The following NEK1 variants were observed in gnomAD, a reference collection of about 807,000 sequenced individuals.
NEK1 encodes NIMA related kinase 1, also known as serine/threonine-protein kinase Nek1.
NEK1 carries 137 observed loss-of-function variants against 182.1 expected under a neutral mutation model. The observed-to-expected ratio is 0.75, with a 90% confidence interval of 0.65 to 0.87. The LOEUF is 0.87. Among genes scored for constraint, NEK1 ranks in the 40% least tolerant of loss-of-function variants. The pLI, the probability that NEK1 is intolerant of heterozygous loss-of-function variation, is 0.00. For synonymous variants in NEK1, 513 were observed against 492.2 expected (o/e 1.04, Z -0.56); for missense variants, 1,391 against 1,494.4 (o/e 0.93, Z 1.14).
intron 23 of NEK1, among the ~76,000 whole-genome samples, chr4:169,479,993 G>A (rs1008837416): frequency 2.0e-5 from 3 of 152,054 alleles, no homozygotes; most frequent in Admixed American, 2.0e-4. Flanking sequence ...AACAGATCCA[G>A]GTAATAAGAT....
At chr4:169,399,571 C>CAA (rs200940490) in intron 35 of NEK1, among the ~76,000 whole-genome samples, 100 of 106,116 alleles carry the variant, frequency 9.4e-4, no homozygotes, top group Non-Finnish European at 1.4e-3. Flanking sequence ...GACTCTGTCT[C>CAA]AAAAAAAACA....
chr4:169,457,297 T>A (rs1285855947), intron 27 of NEK1, among the ~76,000 whole-genome samples: 2 of 152,166 alleles, frequency 1.3e-5, no homozygotes, highest in African/African-American at 2.4e-5. Context: ...GCATTGCATA[T>A]CTGTATCAAA....
chr4:169,487,067 T>G (rs1749162059), intron 23 of NEK1, among the ~76,000 whole-genome samples: 2 of 152,226 alleles, frequency 1.3e-5, no homozygotes, highest in East Asian at 3.8e-4. Context: ...CAATTGGTAC[T>G]ACAATTTTTA....
intron 5 of NEK1, 50 bp downstream of exon 5, chr4:169,599,050 A>T: frequency 7.1e-7 from 1 of 1,404,316 alleles, no homozygotes; most frequent in Non-Finnish European, 1.0e-6. Context: ...CAAATTTTGA[A>T]CTACTTCTCA....
At chr4:169,458,640 T>C (rs1743356379) in intron 27 of NEK1, among the ~76,000 whole-genome samples, 1 of 151,608 alleles carries the variant, frequency 6.6e-6, no homozygotes, top group African/African-American at 2.4e-5. Context: ...GGTGGGAGGA[T>C]CACATGGGCA....
chr4:169,502,946 T>C (rs1379045708), intron 23 of NEK1, among the ~76,000 whole-genome samples: 2 of 152,172 alleles, frequency 1.3e-5, no homozygotes, highest in Non-Finnish European at 2.9e-5. Context: ...AAATTATCTC[T>C]TTGTGGACAA....
Position 169,394,251 on chromosome 4 carries a change from T to C in NEK1, c.*259A>G, listed in dbSNP as rs1366669547. ...AGTCAGGTTCTGGGTCAATGTTTCC[T>C]ATGCTTTGGTTGGATGATTTAATAA... On this transcript the variant is annotated 3_prime_UTR_variant, in exon 36 of 36. Transcript: ENST00000507142. The C allele has an allele frequency of 1.9e-5, 6 of 322,350 alleles. No individual in the cohort carries two copies. The highest frequency in any genetic ancestry group is 3.4e-5 in the Non-Finnish European group (6 of 177,262). 20.0% of individuals were successfully genotyped at this position (322,350 alleles called of 1,614,324 possible). A position where few individuals can be genotyped will look rare whatever the true frequency, so the allele number is the denominator to read the frequency against.
chr4:169,611,863 G>C (rs1772377536), intron 2 of NEK1, among the ~76,000 whole-genome samples, 157 bp downstream of exon 2: 1 of 152,192 alleles, frequency 6.6e-6, no homozygotes, highest in Non-Finnish European at 1.5e-5. Flanking sequence ...AATACAGAGT[G>C]TCTTAGAGAA....
At chr4:169,412,014 G>T (rs1295911171) in intron 31 of NEK1, among the ~76,000 whole-genome samples, 1 of 152,164 alleles carries the variant, frequency 6.6e-6, no homozygotes, top group Non-Finnish European at 1.5e-5. Flanking sequence ...AATTATTTAT[G>T]ATCATGTATT....
At chr4:169,597,173 A>G (rs1321378069) in intron 5 of NEK1, among the ~76,000 whole-genome samples, 1 of 152,270 alleles carries the variant, frequency 6.6e-6, no homozygotes, top group Non-Finnish European at 1.5e-5. Context: ...TAAAAATAGC[A>G]TTGTATATAC....
At chr4:169,544,330 G>T (rs1348428204) in intron 18 of NEK1, among the ~76,000 whole-genome samples, 3 of 152,168 alleles carry the variant, frequency 2.0e-5, no homozygotes, top group African/African-American at 4.8e-5. Context: ...CTTGATCATG[G>T]TGGATAAGCT....
chr4:169,411,689 A>G (rs927858446), intron 31 of NEK1, among the ~76,000 whole-genome samples: 3 of 152,236 alleles, frequency 2.0e-5, no homozygotes, highest in African/African-American at 4.8e-5. Flanking sequence ...GTAATTCTCT[A>G]TCTCAACCTA....
At chr4:169,454,582 T>C (rs1242589479) in intron 27 of NEK1, among the ~76,000 whole-genome samples, 1 of 152,210 alleles carries the variant, frequency 6.6e-6, no homozygotes, top group Non-Finnish European at 1.5e-5. Flanking sequence ...GAAAAAATGC[T>C]CATCATCACT....
intron 5 of NEK1, among the ~76,000 whole-genome samples, chr4:169,594,585 G>T (rs1197092562): frequency 1.3e-5 from 2 of 152,226 alleles, no homozygotes; most frequent in East Asian, 3.9e-4. Flanking sequence ...TCACTGTGAA[G>T]ATCCTTATAA....
At position 169,555,951 on chromosome 4, in the gene NEK1, CA is replaced by C; in HGVS notation, c.1410del (p.Tyr470Ter). 2 of 1,613,590 alleles carry C rather than the reference CA, an allele frequency of 1.2e-6. No individual in the cohort carries two copies. The highest frequency in any genetic ancestry group is 2.7e-5 in the African/African-American group (2 of 75,024). ...CCATACCTTTCTGGAAGACCTCGAC[CA>C]TATATTTCTCTTTTCCATTTAGCTT... ...DNEAKWKREI[Y>X]GRGLPERGIL... On this transcript the variant is annotated frameshift_variant, in exon 17 of 36. Transcript: ENST00000507142. LOFTEE classifies it high-confidence loss of function.
chr4:169,488,803 C>T (rs562330845), intron 23 of NEK1, among the ~76,000 whole-genome samples: 2 of 152,138 alleles, frequency 1.3e-5, no homozygotes, highest in Non-Finnish European at 2.9e-5. Flanking sequence ...CCCAATATAA[C>T]ATCTAGATTA....
rs1180943067 is a variant in NEK1, at chr4:169,393,132, A to G, written c.*1378T>C. 1 of 152,242 alleles carries G rather than the reference A, an allele frequency of 6.6e-6. No homozygotes were observed. Among genetic ancestry groups the G allele is most frequent in the Non-Finnish European group, 1.5e-5 (1 of 68,046 alleles). The allele number at this position is 152,242 out of a possible 1,614,324, so 9.4% of individuals were successfully genotyped here. The stretch of plus-strand genomic sequence containing the variant: ...TCATGCCCATCTTTCAGGATTGTAA[A>G]GAATTAAAATATTGAATTCATTTTC... On this transcript the variant is annotated 3_prime_UTR_variant, in exon 36 of 36. Coordinates refer to ENST00000507142, the MANE Select transcript of NEK1 (RefSeq NM_001199397.3).
At chr4:169,439,845 CTTTTTTTTTTT>C (rs33985502) in intron 27 of NEK1, among the ~76,000 whole-genome samples, 5 of 116,384 alleles carry the variant, frequency 4.3e-5, no homozygotes, top group African/African-American at 1.0e-4. Context: ...GTTAGGGTAT[CTTTTTTTTTTT>C]TTTTTTTTTT....
chr4:169,577,495 C>T (rs186533054), intron 11 of NEK1, among the ~76,000 whole-genome samples: 99 of 152,170 alleles, frequency 6.5e-4, no homozygotes, highest in Admixed American at 3.3e-3. Context: ...AGGCCAAGCG[C>T]GGTGGCTCAC....
Sources: gnomAD v4.1 joint callset for allele counts (sites outside exome capture counted in the v4.1 genomes callset) on GRCh38, gnomAD v4.1.1 for gene constraint, MANE v1.5 for transcripts, NCBI Gene and HGNC (gene_info 2026-07-23, HGNC 2026-07-21) for gene names.